The following NFATC1 variants were observed in gnomAD, a reference collection of about 807,000 sequenced individuals.
NFATC1 encodes nuclear factor of activated T cells 1.
A neutral mutation model predicts 76.0 loss-of-function variants in NFATC1; 22 were observed. The ratio of observed to expected loss-of-function variants is 0.29; its 90% CI spans 0.21 to 0.41. The LOEUF (loss-of-function observed/expected upper bound fraction) is 0.41. NFATC1 is among the 10% of genes least tolerant of loss of function. The pLI, the probability that NFATC1 is intolerant of heterozygous loss-of-function variation, is 1.00. For missense variants in NFATC1, 1,357 were observed against 1,337.7 expected, an observed-to-expected ratio of 1.01 and a Z score of -0.23; for synonymous variants, 704 against 613.1, an observed-to-expected ratio of 1.15 and a Z score of -2.19.
Position 79,479,374 on chromosome 18 carries a change from G to GC in NFATC1, c.2093-6868dup, listed in dbSNP as rs199821546. Among the ~76,000 whole-genome samples, 41 of 150,774 alleles carry GC rather than the reference G, an allele frequency of 2.7e-4. No homozygotes were observed. In the Middle Eastern group the frequency reaches 0.01, roughly 38 times the overall value. On this transcript the variant is annotated intron_variant, in intron 8 of 9. Transcript: ENST00000427363. The stretch of plus-strand genomic sequence containing the variant: ...CGACAGCGTGAACTGGGCCTGTGCG[G>GC]CCCCCCTCCACGGGTGAGACTCCCA...
chr18:79,486,082 G>A (rs1473720754), intron 8 of NFATC1, among the ~76,000 whole-genome samples, 166 bp from the exon 9 acceptor site: 2 of 149,402 alleles, frequency 1.3e-5, no homozygotes, highest in Non-Finnish European at 2.9e-5. Flanking sequence ...TCTCTCGGCC[G>A]ATGACTCACG....
intron 8 of NFATC1, among the ~76,000 whole-genome samples, chr18:79,473,831 G>A (rs1034392562): frequency 2.0e-5 from 3 of 149,280 alleles, no homozygotes; most frequent in Non-Finnish European, 4.4e-5. Flanking sequence ...AAACCTGAGG[G>A]AAGTGTGTTC....
intron 9 of NFATC1, 104 bp from the exon 10 acceptor site, chr18:79,527,424 T>A: frequency 1.1e-6 from 1 of 914,930 alleles, no homozygotes; most frequent in Non-Finnish European, 1.7e-6. Context: ...GGGAGATGCC[T>A]TGTCACAGGC....
chr18:79,492,835 C>CT (rs2089724142), intron 9 of NFATC1, among the ~76,000 whole-genome samples: 1 of 148,304 alleles, frequency 6.7e-6, no homozygotes. Flanking sequence ...GACCTCGCCA[C>CT]TGCACTCCAG....
chr18:79,514,057 C>G (rs2145185838), intron 9 of NFATC1, among the ~76,000 whole-genome samples: 1 of 152,284 alleles, frequency 6.6e-6, no homozygotes, highest in South Asian at 2.1e-4. Flanking sequence ...CAGGTTCCTC[C>G]AGGCGCTGCC....
At chr18:79,430,766 T>C (rs2086563469) in intron 2 of NFATC1, among the ~76,000 whole-genome samples, 1 of 151,082 alleles carries the variant, frequency 6.6e-6, no homozygotes, top group Non-Finnish European at 1.5e-5. Context: ...CCGCCTCGCA[T>C]CATCTGCGAC....
intron 9 of NFATC1, among the ~76,000 whole-genome samples, chr18:79,494,181 G>A (rs1464087780): frequency 6.6e-6 from 1 of 152,252 alleles, no homozygotes; most frequent in Non-Finnish European, 1.5e-5. Context: ...CGACCGCGAG[G>A]GACAGTGAGA....
In NFATC1 at chr18:79,457,197, G is replaced by T. The variant is rs533403334; in HGVS notation, c.1904-4114G>T. Among the ~76,000 whole-genome samples the T allele has an allele frequency of 7.9e-5, 12 of 152,250 alleles. No individual in the cohort carries two copies. In the East Asian group the frequency reaches 2.1e-3, roughly 27 times the overall value. On this transcript the variant is annotated intron_variant, in intron 6 of 9. Coordinates refer to ENST00000427363, the MANE Select transcript of NFATC1 (RefSeq NM_001278669.2). The stretch of plus-strand genomic sequence containing the variant: ...GCTGAACCCCCAGGCTTCTCTGTTT[G>T]CTCCCAGAGACCACACAGGGAAGGC...
At chr18:79,419,706 T>C (rs1329204403) in intron 2 of NFATC1, among the ~76,000 whole-genome samples, 1 of 152,196 alleles carries the variant, frequency 6.6e-6, no homozygotes, top group East Asian at 1.9e-4. Context: ...CTGGTCCTGA[T>C]GTGCGTCGGT....
At chr18:79,425,254 TCTCC>T (rs150217516) in intron 2 of NFATC1, among the ~76,000 whole-genome samples, 1,908 of 56,186 alleles carry the variant, frequency 0.034, 112 homozygotes, top group African/African-American at 0.15. Flanking sequence ...TCTCTGTTTC[TCTCC>T]CTGTCTCTGT....
At chr18:79,494,925 G>T (rs2089833539) in intron 9 of NFATC1, among the ~76,000 whole-genome samples, 1 of 149,774 alleles carries the variant, frequency 6.7e-6, no homozygotes, top group African/African-American at 2.4e-5. Context: ...GCGAGAGCGG[G>T]CACACGCCCC....
Position 79,437,857 on chromosome 18 carries a change from A to G in NFATC1, c.1386+4119A>G, listed in dbSNP as rs553209800. On this transcript the variant is annotated intron_variant, in intron 3 of 9. Coordinates refer to ENST00000427363, the MANE Select transcript of NFATC1 (RefSeq NM_001278669.2). ...CTCCTTGTCTCACCTCCTCATCCGC[A>G]CACAGCCTCTGCCCTCAGCGCTGCT... Among the ~76,000 whole-genome samples, 3 of 152,190 alleles carry G rather than the reference A, an allele frequency of 2.0e-5. No homozygotes were observed. The East Asian group carries it at 5.8e-4, about 29-fold the overall frequency.
intron 8 of NFATC1, among the ~76,000 whole-genome samples, chr18:79,471,381 TG>T (rs564549895): frequency 6.6e-6 from 1 of 152,112 alleles, no homozygotes; most frequent in Admixed American, 6.5e-5. Flanking sequence ...ATCTGTCTCG[TG>T]GGGGGCTGCG....
chr18:79,404,346 G>A (rs1270388302), intron 1 of NFATC1, among the ~76,000 whole-genome samples: 2 of 152,224 alleles, frequency 1.3e-5, no homozygotes, highest in African/African-American at 4.8e-5. Flanking sequence ...ATTGTTGGGG[G>A]AACGGCGTCT....
chr18:79,403,731 G>A (rs1396371186), intron 1 of NFATC1, among the ~76,000 whole-genome samples: 2 of 152,258 alleles, frequency 1.3e-5, no homozygotes, highest in Admixed American at 1.3e-4. Flanking sequence ...TTCCCTTGTG[G>A]AAAGGCAACA....
At chr18:79,402,125 T>A (rs1419724740) in intron 1 of NFATC1, among the ~76,000 whole-genome samples, 1 of 152,230 alleles carries the variant, frequency 6.6e-6, no homozygotes, top group African/African-American at 2.4e-5. Flanking sequence ...CGTGCACACG[T>A]GACTGTGCGC....
chr18:79,506,174 T>A, intron 9 of NFATC1, among the ~76,000 whole-genome samples: 1 of 152,198 alleles, frequency 6.6e-6, no homozygotes, highest in East Asian at 1.9e-4. Context: ...GGACTCCTTA[T>A]AAAGAGCGGT....
At chr18:79,412,846 T>G (rs960179378) in intron 2 of NFATC1, among the ~76,000 whole-genome samples, 1 of 152,224 alleles carries the variant, frequency 6.6e-6, no homozygotes, top group Non-Finnish European at 1.5e-5. Context: ...CCCCTGATTT[T>G]TCTTGACTTG....
intron 9 of NFATC1, among the ~76,000 whole-genome samples, chr18:79,520,414 G>A (rs149370950): frequency 2.1e-4 from 32 of 152,086 alleles, no homozygotes; most frequent in Admixed American, 3.3e-4. Context: ...CTCCGCTGGC[G>A]CCTCTGGCCA....
Sources: gnomAD v4.1 joint callset for allele counts (sites outside exome capture counted in the v4.1 genomes callset) on GRCh38, gnomAD v4.1.1 for gene constraint, MANE v1.5 for transcripts, NCBI Gene and HGNC (gene_info 2026-07-23, HGNC 2026-07-21) for gene names.